TRPM1: variants seen among roughly 807,000 people sequenced by gnomAD.
The protein encoded by TRPM1 is transient receptor potential cation channel subfamily M member 1.
TRPM1 carries 113 observed loss-of-function variants against 149.4 expected under a neutral mutation model. That is an observed-to-expected ratio of 0.76 (90% confidence interval 0.65 to 0.88). The LOEUF is 0.88. Ranked by LOEUF, TRPM1 falls within the 40% of genes least tolerant of loss-of-function variation. The pLI is 0.00. For synonymous variants in TRPM1, 741 were observed against 759.5 expected (o/e 0.98, Z 0.40); for missense variants, 1,976 against 2,038.7 (o/e 0.97, Z 0.59).
intron 1 of TRPM1, among the ~76,000 whole-genome samples, chr15:31,082,840 A>G (rs765795625): frequency 1.3e-4 from 20 of 152,198 alleles, no homozygotes; most frequent in Non-Finnish European, 2.6e-4. Context: ...GAGGAAGTGT[A>G]GACAGCAAGT....
intron 1 of TRPM1, among the ~76,000 whole-genome samples, chr15:31,112,593 CTTT>C (rs966821123): frequency 1.3e-5 from 2 of 151,734 alleles, no homozygotes; most frequent in Non-Finnish European, 2.9e-5. Context: ...GCCAATTAAA[CTTT>C]TTTTTTAATT....
At chr15:31,119,431 A>T (rs1046821572) in intron 1 of TRPM1, among the ~76,000 whole-genome samples, 2 of 152,116 alleles carry the variant, frequency 1.3e-5, no homozygotes, top group Non-Finnish European at 2.9e-5. Context: ...AGATGTGAAA[A>T]AGAGATAAAG....
At chr15:31,101,103 C>G (rs2035505082) in intron 1 of TRPM1, among the ~76,000 whole-genome samples, 1 of 152,232 alleles carries the variant, frequency 6.6e-6, no homozygotes, top group South Asian at 2.1e-4. Context: ...TAAAGGCTTA[C>G]AAGTATAAAC....
intron 1 of TRPM1, among the ~76,000 whole-genome samples, chr15:31,114,556 G>A (rs1342687262): frequency 6.6e-6 from 1 of 152,146 alleles, no homozygotes; most frequent in East Asian, 1.9e-4. Flanking sequence ...GAAAACCAAA[G>A]ACAAAGGTAC....
At chr15:31,051,249 G>A (rs530405526) in intron 11 of TRPM1, among the ~76,000 whole-genome samples, 2 of 152,290 alleles carry the variant, frequency 1.3e-5, no homozygotes, top group South Asian at 4.1e-4. Context: ...ATGTGGGAGT[G>A]TGTCCTGGTG....
intron 9 of TRPM1, among the ~76,000 whole-genome samples, chr15:31,061,833 C>T (rs188184775): frequency 1.2e-3 from 186 of 152,010 alleles, no homozygotes; most frequent in African/African-American, 4.4e-3. Context: ...TACAGGTGCA[C>T]GCCACCATGC....
chr15:31,038,987 T>G (rs1207301029), intron 18 of TRPM1, among the ~76,000 whole-genome samples: 2 of 146,502 alleles, frequency 1.4e-5, no homozygotes, highest in African/African-American at 5.1e-5. Flanking sequence ...AAAACATGCT[T>G]CCCCTTTTTT....
In TRPM1 at chr15:31,042,009, CG is replaced by C; in HGVS notation, c.2028del (p.His676GlnfsTer31). ...TCCACCAGATCACTCTCGGAGGACT[CG>C]TGGGCCATGGCCTTGTAGAGCTTGC... ...VACKLYKAMA[H>X]ESSESDLVDD... On this transcript the variant is annotated frameshift_variant, in exon 17 of 28. Transcript: ENST00000256552. LOFTEE classifies it high-confidence loss of function. 6.2e-7 allele frequency: 1 copy of C among 1,614,180 alleles called. No individual in the cohort carries two copies. The highest frequency in any genetic ancestry group is 1.1e-5 in the South Asian group (1 of 91,078).
chr15:31,019,335 T>C (rs2032473619), intron 27 of TRPM1, among the ~76,000 whole-genome samples: 2 of 152,362 alleles, frequency 1.3e-5, no homozygotes, highest in Non-Finnish European at 1.5e-5. Context: ...TGTGCTTACT[T>C]ACAGAGTTTT....
chr15:31,039,772 A>G (rs933221915), intron 18 of TRPM1, among the ~76,000 whole-genome samples: 7 of 152,094 alleles, frequency 4.6e-5, no homozygotes, highest in Admixed American at 3.9e-4. Flanking sequence ...TGGGTAGACG[A>G]CCCAACCAGG....
chr15:31,095,930 C>T (rs1409138078), intron 1 of TRPM1, among the ~76,000 whole-genome samples: 1 of 151,846 alleles, frequency 6.6e-6, no homozygotes, highest in African/African-American at 2.4e-5. Context: ...CCTGTAATCC[C>T]AACTATTTGG....
chr15:31,159,415 C>T (rs940764879), intron 1 of TRPM1, among the ~76,000 whole-genome samples: 1 of 152,212 alleles, frequency 6.6e-6, no homozygotes, highest in Admixed American at 6.5e-5. Context: ...GAGGAGGTCA[C>T]GTGGAGCCAC....
chr15:31,002,361 G>A lies in TRPM1; in HGVS notation c.4339C>T (p.Pro1447Ser). 11 of 1,614,180 alleles carry A rather than the reference G, an allele frequency of 6.8e-6. No homozygotes were observed. The highest frequency in any genetic ancestry group is 9.3e-6 in the Non-Finnish European group (11 of 1,180,042). ...LEETKITRYF[P>S]DETINACKTM... ...TTACAAGCATTGATCGTTTCATCGG[G>A]GAAATAGCGTGTAATTTTGGTTTCT... is the stretch of plus-strand genomic sequence containing the variant. The change falls in exon 28 of 28, where the codon CCC becomes TCC. Residue 1447 changes from proline to serine, a missense_variant. Pro to Ser is a moderately conservative substitution (Grantham distance 74, BLOSUM62 -1). This residue lies in a region of TRPM1 where 572 missense variants were observed against 578.9 expected (regional missense o/e 0.99). Coordinates refer to ENST00000256552, the MANE Select transcript of TRPM1 (RefSeq NM_001252024.2).
intron 1 of TRPM1, among the ~76,000 whole-genome samples, chr15:31,112,963 T>G (rs2141025480): frequency 6.6e-6 from 1 of 152,310 alleles, no homozygotes; most frequent in Non-Finnish European, 1.5e-5. Context: ...AACAGAGGAC[T>G]TGGGAAAAAC....
chr15:31,133,675 G>A (rs143616504), intron 1 of TRPM1, among the ~76,000 whole-genome samples: 1,477 of 147,576 alleles, frequency 0.01, 26 homozygotes, highest in African/African-American at 0.034. Flanking sequence ...GAGCGAGACT[G>A]TCTCAAAAAC....
chr15:31,128,939 T>C (rs1451235423), intron 1 of TRPM1, among the ~76,000 whole-genome samples: 1 of 152,264 alleles, frequency 6.6e-6, no homozygotes, highest in East Asian at 1.9e-4. Flanking sequence ...CAGAGGTGGC[T>C]GCATCACTGC....
Position 31,009,222 on chromosome 15 carries a change from A to G in TRPM1, c.3630-6152T>C, listed in dbSNP as rs1033245344. On this transcript the variant is annotated intron_variant, in intron 27 of 27. Coordinates refer to ENST00000256552, the MANE Select transcript of TRPM1 (RefSeq NM_001252024.2). Reference sequence around the variant, plus strand: ...GCACTTTAAAAACATAATGCAGGCCATGGTGACCTGTGCCTGTAATCCCAG... The same window carrying G: ...GCACTTTAAAAACATAATGCAGGCCGTGGTGACCTGTGCCTGTAATCCCAG... 2.0e-5 allele frequency among the ~76,000 whole-genome samples: 3 copies of G among 152,040 alleles called. No homozygotes were observed. The South Asian group carries it at 6.2e-4, about 32-fold the overall frequency.
intron 22 of TRPM1, chr15:31,031,471 A>G (rs1345889104): frequency 6.4e-6 from 3 of 465,364 alleles, no homozygotes; most frequent in Non-Finnish European, 1.2e-5. Flanking sequence ...AAGAATTAGA[A>G]GAAAAGATGG....
Position 31,070,189 on chromosome 15 carries a change from G to C in TRPM1, c.121C>G (p.Pro41Ala), listed in dbSNP as rs761314000. 9.3e-6 allele frequency: 15 copies of C among 1,614,030 alleles called. No homozygotes were observed. Among genetic ancestry groups the C allele is most frequent in the South Asian group, 3.3e-5 (3 of 91,070 alleles). ...TTGCTGGGTGTTGCACTTGGCAGAG[G>C]GGGGATATGCTGGTTGGTGAACTGG... Reference protein sequence around the residue: ...CGQFTNQHIPPLPSATPSKNE... With the variant: ...CGQFTNQHIPALPSATPSKNE... The change falls in exon 4 of 28, where the codon CCT (proline) becomes GCT (alanine). Residue 41 changes from proline (P) to alanine (A), a missense_variant. Pro to Ala is a conservative substitution (Grantham distance 27). Transcript: ENST00000256552.
Sources: allele counts gnomAD v4.1 joint callset (sites outside exome capture counted in the v4.1 genomes callset), GRCh38; gene constraint gnomAD v4.1.1; regional missense constraint gnomAD v4.1.1; transcripts MANE v1.5; gene names NCBI Gene and HGNC (gene_info 2026-07-23, HGNC 2026-07-21).